The following MYO16 variants were observed in gnomAD, a reference collection of about 807,000 sequenced individuals.
The protein encoded by MYO16 is unconventional myosin-XVI.
A neutral mutation model predicts 205.3 loss-of-function variants in MYO16; 94 were observed. The ratio of observed to expected loss-of-function variants is 0.46; its 90% confidence interval spans 0.39 to 0.54. The LOEUF (loss-of-function observed/expected upper bound fraction) is 0.54. Ranked by LOEUF, MYO16 falls within the 20% of genes least tolerant of loss-of-function variation. The pLI, the probability that MYO16 is intolerant of heterozygous loss-of-function variation, is 0.00. For missense variants in MYO16, 2,315 were observed against 2,387.5 expected (o/e 0.97, Z 0.63); for synonymous variants, 988 against 954.0 (o/e 1.04, Z -0.66).
intron 9 of MYO16, among the ~76,000 whole-genome samples, chr13:108,832,545 CTTGTT>C (rs1876678887): frequency 6.6e-6 from 1 of 152,006 alleles, no homozygotes; most frequent in African/African-American, 2.4e-5. Context: ...CTGGTTTCTG[CTTGTT>C]TCCCCAGCAT....
intron 6 of MYO16, among the ~76,000 whole-genome samples, chr13:108,805,727 C>G (rs1352352917): frequency 6.6e-6 from 1 of 151,824 alleles, no homozygotes; most frequent in Non-Finnish European, 1.5e-5. Context: ...ATTCTCCAAA[C>G]CCCGATCTCA....
upstream of MYO16, among the ~76,000 whole-genome samples, chr13:108,595,841 T>A (rs1302341503): frequency 6.6e-6 from 1 of 151,082 alleles, no homozygotes; most frequent in African/African-American, 2.4e-5. Context: ...AAAAAAGGAG[T>A]GCACGTGTCA....
chr13:108,635,267 C>G (rs939139109), intron 1 of MYO16, among the ~76,000 whole-genome samples: 4 of 152,124 alleles, frequency 2.6e-5, no homozygotes, highest in African/African-American at 9.7e-5. Flanking sequence ...AACGTGCCTT[C>G]CTCCCAAAAG....
intron 27 of MYO16, among the ~76,000 whole-genome samples, chr13:109,074,127 G>A (rs1451270753): frequency 2.0e-5 from 3 of 152,112 alleles, no homozygotes; most frequent in African/African-American, 7.2e-5. Flanking sequence ...TTATTGAAAT[G>A]TAATTGACCT....
chr13:108,529,940 A>G, the MYO16 span, among the ~76,000 whole-genome samples: 33 of 152,258 alleles, frequency 2.2e-4, no homozygotes, highest in African/African-American at 7.5e-4. Flanking sequence ...ATTGAAGAAT[A>G]TTTATTTGAT....
chr13:108,718,981 G>A (rs1187544307), intron 3 of MYO16, among the ~76,000 whole-genome samples: 1 of 152,086 alleles, frequency 6.6e-6, no homozygotes, highest in African/African-American at 2.4e-5. Flanking sequence ...GAAACCCAAT[G>A]GATGAGTTTT....
At chr13:108,582,611 G>T in the MYO16 span, among the ~76,000 whole-genome samples, 2 of 152,170 alleles carry the variant, frequency 1.3e-5, no homozygotes, top group Non-Finnish European at 2.9e-5. Flanking sequence ...ATGGTCTTGT[G>T]TCTGTTTTGG....
the MYO16 span, among the ~76,000 whole-genome samples, chr13:108,577,819 T>C: frequency 6.6e-6 from 1 of 152,216 alleles, no homozygotes; most frequent in African/African-American, 2.4e-5. Context: ...AAGAAAACTA[T>C]GTATCCATAT....
intron 20 of MYO16, among the ~76,000 whole-genome samples, chr13:108,986,036 C>T (rs186202353): frequency 7.7e-4 from 117 of 152,246 alleles, no homozygotes; most frequent in African/African-American, 2.6e-3. Flanking sequence ...AGCAGAGGCA[C>T]ATCTTACATG....
chr13:108,731,287 C>A (rs1001177801), intron 4 of MYO16, among the ~76,000 whole-genome samples: 5 of 152,186 alleles, frequency 3.3e-5, no homozygotes, highest in African/African-American at 9.7e-5. Context: ...TATCATCTCT[C>A]AAGCTACATA....
chr13:109,148,775 A>T (rs1257854579), intron 32 of MYO16, among the ~76,000 whole-genome samples: 1 of 152,154 alleles, frequency 6.6e-6, no homozygotes, highest in Non-Finnish European at 1.5e-5. Flanking sequence ...CAGCCAGAAG[A>T]AGAAAGAGGT....
chr13:108,956,779 G>A (rs914133287), intron 16 of MYO16, among the ~76,000 whole-genome samples: 3 of 152,026 alleles, frequency 2.0e-5, no homozygotes, highest in Non-Finnish European at 2.9e-5. Context: ...TCTGGTTGCA[G>A]CCCCTTCCTG....
chr13:108,848,502 A>T (rs1566367104), intron 10 of MYO16, among the ~76,000 whole-genome samples: 2 of 152,212 alleles, frequency 1.3e-5, no homozygotes, highest in Non-Finnish European at 2.9e-5. Context: ...GACCAAACTT[A>T]AACTCAAGAA....
intron 1 of MYO16, among the ~76,000 whole-genome samples, chr13:108,607,391 G>T (rs1480318107): frequency 6.6e-6 from 1 of 152,120 alleles, no homozygotes; most frequent in African/African-American, 2.4e-5. Context: ...GAGGTGATTA[G>T]ATCATGGGGG....
At chr13:108,682,101 A>G (rs940267379) in intron 2 of MYO16, among the ~76,000 whole-genome samples, 1 of 152,174 alleles carries the variant, frequency 6.6e-6, no homozygotes, top group African/African-American at 2.4e-5. Flanking sequence ...AGTGGTTTTC[A>G]ACTTCACATA....
chr13:108,686,615 G>A lies in MYO16; in HGVS notation c.292+20466G>A, dbSNP rs539485007. Among the ~76,000 whole-genome samples, 6 of 152,282 alleles carry A rather than the reference G, an allele frequency of 3.9e-5. No individual in the cohort carries two copies. In the South Asian group the frequency reaches 8.3e-4, roughly 21 times the overall value. ...TCACAAAAAGAGACAGGCAATGATC[G>A]TTCCTAAAACTAGTTGAGGGCTTAA... is the stretch of plus-strand genomic sequence containing the variant. On this transcript the variant is annotated intron_variant, in intron 2 of 34. Coordinates refer to ENST00000457511, the MANE Select transcript of MYO16 (RefSeq NM_001198950.3).
intron 16 of MYO16, among the ~76,000 whole-genome samples, chr13:108,935,083 A>G (rs922833712): frequency 5.9e-5 from 9 of 151,978 alleles, no homozygotes; most frequent in South Asian, 2.1e-4. Context: ...TCTTTTTGTT[A>G]GCATTGCTTT....
At chr13:109,029,934 G>A (rs1347989961) in intron 23 of MYO16, among the ~76,000 whole-genome samples, 1 of 152,060 alleles carries the variant, frequency 6.6e-6, no homozygotes, top group African/African-American at 2.4e-5. Context: ...CTGACAGAAA[G>A]TTATAAAACT....
the MYO16 span, among the ~76,000 whole-genome samples, chr13:108,507,125 T>C: frequency 1.3e-5 from 2 of 152,152 alleles, no homozygotes; most frequent in Non-Finnish European, 2.9e-5. Flanking sequence ...TTCTTAGCCA[T>C]GTATCCTTGA....
Sources: gnomAD v4.1 joint callset for allele counts (sites outside exome capture counted in the v4.1 genomes callset) on GRCh38, gnomAD v4.1.1 for gene constraint, MANE v1.5 for transcripts, NCBI Gene and HGNC (gene_info 2026-07-23, HGNC 2026-07-21) for gene names.